The following GRK5 variants were observed in gnomAD, a reference collection of about 807,000 sequenced individuals.
GRK5 encodes the protein g protein-coupled receptor kinase GRK5.
Under a neutral mutation model 78.4 loss-of-function variants are expected in GRK5, and 40 were observed. The ratio of observed to expected loss-of-function variants is 0.51; its 90% CI spans 0.40 to 0.66. The LOEUF (loss-of-function observed/expected upper bound fraction) is 0.66. GRK5 is among the 30% of genes least tolerant of loss of function. The pLI is 0.00. For synonymous variants in GRK5, 289 were observed against 296.8 expected (o/e 0.97, Z 0.27); for missense variants, 598 against 759.9 (o/e 0.79, Z 2.50).
At chr10:119,388,067 C>A (rs958643532) in intron 3 of GRK5, among the ~76,000 whole-genome samples, 1 of 152,090 alleles carries the variant, frequency 6.6e-6, no homozygotes, top group Admixed American at 6.5e-5. Flanking sequence ...ATCCTCCCAC[C>A]TCAGCCTCCT....
chr10:119,212,714 G>A (rs1848507851), intron 1 of GRK5: 1 of 152,212 alleles, frequency 6.6e-6, no homozygotes, highest in South Asian at 2.1e-4. Flanking sequence ...AGGCATTATT[G>A]TCATAGGTCA....
Position 119,238,591 on chromosome 10 carries a change from G to A in GRK5, c.52+30622G>A, listed in dbSNP as rs12771563. On this transcript the variant is annotated intron_variant, in intron 1 of 15. Coordinates refer to ENST00000392870, the MANE Select transcript of GRK5 (RefSeq NM_005308.3). The surrounding 1 kb of genome is among the most constrained non-coding windows in gnomAD (Gnocchi z 4.7). The stretch of plus-strand genomic sequence containing the variant: ...TTGGACAATATGCAGGAAAACACCC[G>A]CCTTCTCTTAGACATGTAGGGTTCG... Among the ~76,000 whole-genome samples, 3,051 of 152,220 alleles carry A rather than the reference G, an allele frequency of 0.02. 40 individuals carry two copies. The highest frequency in any genetic ancestry group is 0.032 in the Non-Finnish European group (2,195 of 68,016).
chr10:119,428,150 A>C (rs536673863), intron 6 of GRK5, among the ~76,000 whole-genome samples: 1 of 152,380 alleles, frequency 6.6e-6, no homozygotes, highest in African/African-American at 2.4e-5. Context: ...TGTGCAACAC[A>C]CAACCCCAAT....
Position 119,459,202 on chromosome 10 carries a change from A to T in GRK5, c.*4135A>T, listed in dbSNP as rs1564944708. 1 of 152,188 alleles carries T rather than the reference A, an allele frequency of 6.6e-6. No homozygotes were observed. Among genetic ancestry groups the T allele is most frequent in the Non-Finnish European group, 1.5e-5 (1 of 68,042 alleles). The allele number at this position is 152,188 out of a possible 1,614,324, so 9.4% of individuals were successfully genotyped here. On this transcript the variant is annotated 3_prime_UTR_variant, in exon 16 of 16. Transcript: ENST00000392870. ...ATCTTCCTGATCACAATAGACCACG[A>T]TTGCAAAGCCTCCTCTCCCAGAGAC...
intron 4 of GRK5, among the ~76,000 whole-genome samples, chr10:119,420,224 C>T (rs923841228): frequency 5.9e-5 from 9 of 152,076 alleles, no homozygotes; most frequent in Admixed American, 2.6e-4. Flanking sequence ...CAGGACCTAA[C>T]TAGAGTTAGC....
At chr10:119,397,940 A>C (rs894499237) in intron 4 of GRK5, among the ~76,000 whole-genome samples, 2 of 152,218 alleles carry the variant, frequency 1.3e-5, no homozygotes, top group African/African-American at 4.8e-5. Flanking sequence ...TAATCCATGC[A>C]CTTCTCTTTC....
intron 2 of GRK5, among the ~76,000 whole-genome samples, chr10:119,331,691 C>T (rs1182718728): frequency 2.0e-5 from 3 of 152,238 alleles, no homozygotes; most frequent in Non-Finnish European, 2.9e-5. Context: ...GCCGCCATGT[C>T]TGGATGGCCC....
intron 1 of GRK5, among the ~76,000 whole-genome samples, chr10:119,242,551 A>G (rs1483927513): frequency 1.3e-5 from 2 of 149,404 alleles, no homozygotes; most frequent in Non-Finnish European, 3.0e-5. Context: ...CACGAGATAC[A>G]CCAAAGCAGG....
chr10:119,340,083 C>T (rs2133782950), intron 2 of GRK5, among the ~76,000 whole-genome samples: 1 of 152,190 alleles, frequency 6.6e-6, no homozygotes, highest in South Asian at 2.1e-4. Context: ...ACGATTGATG[C>T]TGAACCATCT....
chr10:119,382,803 C>A (rs1205483862), intron 3 of GRK5, among the ~76,000 whole-genome samples: 1 of 152,180 alleles, frequency 6.6e-6, no homozygotes, highest in African/African-American at 2.4e-5. Flanking sequence ...TCTAGGCTCC[C>A]CCATAACCAT....
chr10:119,309,346 G>A (rs1393479770), intron 1 of GRK5, among the ~76,000 whole-genome samples: 6 of 152,214 alleles, frequency 3.9e-5, no homozygotes, highest in Non-Finnish European at 7.3e-5. Flanking sequence ...TCTGCACAGT[G>A]GATGGAAGAA....
chr10:119,434,121 TTCAA>T (rs1175671437), intron 8 of GRK5, among the ~76,000 whole-genome samples: 2 of 152,104 alleles, frequency 1.3e-5, no homozygotes, highest in Non-Finnish European at 2.9e-5. Flanking sequence ...CTGCCCACAA[TTCAA>T]TTATCTCCCA....
intron 1 of GRK5, among the ~76,000 whole-genome samples, chr10:119,251,705 A>G (rs989854081): frequency 6.6e-6 from 1 of 152,258 alleles, no homozygotes; most frequent in Admixed American, 6.5e-5. Context: ...CAACCTTGAC[A>G]CCGTTGCCAT....
In GRK5 at chr10:119,217,661, C is replaced by T. The variant is rs1848596207; in HGVS notation, c.52+9692C>T. 6.6e-6 allele frequency among the ~76,000 whole-genome samples: 1 copy of T among 152,170 alleles called. No homozygotes were observed. The highest frequency in any genetic ancestry group is 6.5e-5 in the Admixed American group (1 of 15,278). Reference sequence around the variant, plus strand: ...CAGTCATGGGAGTTTAGGTGTGGGCCACATCATTGGCAGCAGCACCACCTC... The same window carrying T: ...CAGTCATGGGAGTTTAGGTGTGGGCTACATCATTGGCAGCAGCACCACCTC... On this transcript the variant is annotated intron_variant, in intron 1 of 15. Transcript: ENST00000392870. The surrounding 1 kb of genome is among the most constrained non-coding windows in gnomAD (Gnocchi z 4.1).
chr10:119,318,167 A>G (rs1292494697), intron 1 of GRK5, among the ~76,000 whole-genome samples: 1 of 152,166 alleles, frequency 6.6e-6, no homozygotes, highest in African/African-American at 2.4e-5. Flanking sequence ...CACATTTGTC[A>G]CCAGGGAGGA....
intron 12 of GRK5, among the ~76,000 whole-genome samples, chr10:119,444,196 C>T (rs909229607): frequency 4.6e-5 from 7 of 152,066 alleles, no homozygotes; most frequent in South Asian, 2.1e-4. Context: ...GGGGTGGGGG[C>T]GACGATTTCA....
In GRK5 at chr10:119,394,522, T is replaced by G. The variant is rs1333705217; in HGVS notation, c.262-2173T>G. 2.0e-3 allele frequency among the ~76,000 whole-genome samples: 14 copies of G among 7,124 alleles called. 3 individuals carry two copies. Among genetic ancestry groups the G allele is most frequent in the Non-Finnish European group, 2.7e-3 (9 of 3,318 alleles). 4.7% of individuals were successfully genotyped at this position (7,124 alleles called of 152,430 possible). On this transcript the variant is annotated intron_variant, in intron 3 of 15. Transcript: ENST00000392870. Reference sequence around the variant, plus strand: ...GTCTGTGGGCACGTGTGTGTGGGTGTGTGTGGGTGTGTATCTGTGTGTGGG... The same window carrying G: ...GTCTGTGGGCACGTGTGTGTGGGTGGGTGTGGGTGTGTATCTGTGTGTGGG...
At chr10:119,368,550 T>G (rs1392684808) in intron 2 of GRK5, among the ~76,000 whole-genome samples, 1 of 152,192 alleles carries the variant, frequency 6.6e-6, no homozygotes, top group Middle Eastern at 3.2e-3. Context: ...CCCCCCTTGT[T>G]CATCAGCCCT....
chr10:119,439,711 C>T lies in GRK5; in HGVS notation c.930-20C>T, dbSNP rs1852993351. 3 of 1,613,740 alleles carry T rather than the reference C, an allele frequency of 1.9e-6. No homozygotes were observed. The highest frequency in any genetic ancestry group is 1.3e-5 in the African/African-American group (1 of 74,936). On this transcript the variant is annotated intron_variant, in intron 9 of 15. Coordinates refer to ENST00000392870, the MANE Select transcript of GRK5 (RefSeq NM_005308.3). Reference sequence around the variant, plus strand: ...TGCCCAGAATGCCCACACTCTGATGCTTGTTGTTTTTCCTTTCAGAGATCT... The same window carrying T: ...TGCCCAGAATGCCCACACTCTGATGTTTGTTGTTTTTCCTTTCAGAGATCT...
Sources: allele counts gnomAD v4.1 joint callset (sites outside exome capture counted in the v4.1 genomes callset), GRCh38; gene constraint gnomAD v4.1.1; non-coding constraint Gnocchi (gnomAD v3.1); transcripts MANE v1.5; gene names NCBI Gene and HGNC (gene_info 2026-07-23, HGNC 2026-07-21).